The following EVI5 variants were observed in gnomAD, a reference collection of about 807,000 sequenced individuals.
EVI5 encodes ecotropic viral integration site 5, also known as ecotropic viral integration site 5 protein homolog.
A neutral mutation model predicts 112.0 loss-of-function variants in EVI5; 73 were observed. That is an observed-to-expected ratio of 0.65 (90% CI 0.54 to 0.79). The LOEUF (loss-of-function observed/expected upper bound fraction) is 0.79, where lower values mean the gene tolerates loss of function less well. EVI5 is among the 30% of genes least tolerant of loss of function. EVI5 has a pLI of 0.00. For synonymous variants in EVI5, 305 were observed against 319.9 expected, an observed-to-expected ratio of 0.95 and a Z score of 0.50; for missense variants, 900 against 968.8, an observed-to-expected ratio of 0.93 and a Z score of 0.94.
chr1:92,568,669 C>A (rs565701666), intron 18 of EVI5, among the ~76,000 whole-genome samples: 1 of 152,252 alleles, frequency 6.6e-6, no homozygotes, highest in South Asian at 2.1e-4. Context: ...CTTTCGTCTG[C>A]CTCTGCCACC....
chr1:92,775,150 G>A (rs2103065501), intron 1 of EVI5, among the ~76,000 whole-genome samples: 2 of 152,338 alleles, frequency 1.3e-5, no homozygotes, highest in South Asian at 4.1e-4. Context: ...GTCCCTGCCT[G>A]AGCATAGTGG....
At chr1:92,615,883 GA>G (rs761644543) in intron 16 of EVI5, among the ~76,000 whole-genome samples, 6 of 152,172 alleles carry the variant, frequency 3.9e-5, no homozygotes, top group Non-Finnish European at 7.3e-5. Flanking sequence ...TATATAAACA[GA>G]AATCTGGAAA....
chr1:92,702,403 T>C (rs1403668774), intron 4 of EVI5, among the ~76,000 whole-genome samples, 188 bp from the exon 5 acceptor site: 1 of 151,218 alleles, frequency 6.6e-6, no homozygotes, highest in East Asian at 1.9e-4. Flanking sequence ...AAATTTTATT[T>C]TGACAATTTC....
intron 13 of EVI5, among the ~76,000 whole-genome samples, chr1:92,641,136 T>C (rs1312261617): frequency 2.0e-5 from 3 of 152,030 alleles, no homozygotes; most frequent in Non-Finnish European, 4.4e-5. Flanking sequence ...ATGGCACACA[T>C]ATACCTATGT....
intron 2 of EVI5, among the ~76,000 whole-genome samples, chr1:92,715,363 G>T (rs1226609618): frequency 6.6e-6 from 1 of 152,086 alleles, no homozygotes; most frequent in African/African-American, 2.4e-5. Context: ...GAACCCAAAA[G>T]TTCAAATTTT....
chr1:92,642,792 G>C lies in EVI5; in HGVS notation c.1393-6456C>G, dbSNP rs1472621175. 3.1e-5 allele frequency among the ~76,000 whole-genome samples: 4 copies of C among 127,444 alleles called. No homozygotes were observed. In the East Asian group the frequency reaches 9.3e-4, roughly 30 times the overall value. The allele number at this position is 127,444 out of a possible 152,430, so 83.6% of individuals were successfully genotyped here. ...GGGAGGGAAGGTCAGAAGAAATCCT[G>C]TCTAGCCTCCCATTAAGTACTTCCT... On this transcript the variant is annotated intron_variant, in intron 13 of 19. Transcript: ENST00000684568.
rs1379820315 is a variant in EVI5, at chr1:92,636,310, T to A, written c.1419A>T (p.Glu473Asp). 6.2e-7 allele frequency: 1 copy of A among 1,613,852 alleles called. No homozygotes were observed. The highest frequency in any genetic ancestry group is 1.1e-5 in the South Asian group (1 of 91,060). Residue 473 changes from glutamate (E) to aspartate (D), a missense_variant, in exon 14 of 20, where the codon GAA (glutamate) becomes GAT (aspartate). Transcript: ENST00000684568. The stretch of plus-strand genomic sequence containing the variant: ...CCTTCTCTAGCTGTAGCACAAAATC[T>A]TCGTTGTAGTTGGAACTGCATTTAT... Reference protein sequence around the residue: ...QWHKCSSNYNEDFVLQLEKEL... With the variant: ...QWHKCSSNYNDDFVLQLEKEL...
intron 19 of EVI5, among the ~76,000 whole-genome samples, chr1:92,534,854 T>C (rs1019057091): frequency 2.2e-4 from 33 of 152,148 alleles, no homozygotes; most frequent in Admixed American, 7.9e-4. Flanking sequence ...ATTCAGGACA[T>C]AGGCATGGGC....
intron 16 of EVI5, among the ~76,000 whole-genome samples, chr1:92,623,196 A>C (rs1654951640): frequency 6.6e-6 from 1 of 152,224 alleles, no homozygotes; most frequent in Non-Finnish European, 1.5e-5. Context: ...TCCTATTTTA[A>C]TTATACTGAA....
At chr1:92,561,442 T>C (rs939776535) in intron 19 of EVI5, among the ~76,000 whole-genome samples, 1 of 152,180 alleles carries the variant, frequency 6.6e-6, no homozygotes, top group Non-Finnish European at 1.5e-5. Context: ...TGTTGATTAA[T>C]TTTCTTTTCA....
intron 2 of EVI5, chr1:92,714,171 TG>T: frequency 2.0e-6 from 2 of 980,880 alleles, no homozygotes; most frequent in Non-Finnish European, 2.4e-6. Context: ...CACATCTTTC[TG>T]GGGTTGCTAC....
intron 2 of EVI5, among the ~76,000 whole-genome samples, chr1:92,717,779 T>G (rs1338571488): frequency 6.6e-6 from 1 of 151,956 alleles, no homozygotes; most frequent in Non-Finnish European, 1.5e-5. Context: ...GACCCATCAG[T>G]GTGCTGTATT....
chr1:92,642,127 T>TC lies in EVI5; in HGVS notation c.1393-5792dup, dbSNP rs200743192. ...GCCTGGGCAACAGAGCGATACTCCA[T>TC]CCCAAAAAAAAAAAATTGTTGAAAA... is the stretch of plus-strand genomic sequence containing the variant. On this transcript the variant is annotated intron_variant, in intron 13 of 19. Coordinates refer to ENST00000684568, the MANE Select transcript of EVI5 (RefSeq NM_001350197.2). 7.7e-3 allele frequency among the ~76,000 whole-genome samples: 1,151 copies of TC among 149,068 alleles called. 9 individuals are homozygous for TC. Among genetic ancestry groups the TC allele is most frequent in the Non-Finnish European group, 0.013 (851 of 67,152 alleles).
intron 18 of EVI5, among the ~76,000 whole-genome samples, chr1:92,578,012 G>C (rs566515926): frequency 7.2e-5 from 11 of 152,062 alleles, no homozygotes; most frequent in Admixed American, 2.0e-4. Flanking sequence ...AAGGCGCTAT[G>C]GTGCTATATT....
At chr1:92,647,029 AC>A (rs2102008616) in intron 13 of EVI5, 2 of 214,908 alleles carry the variant, frequency 9.3e-6, no homozygotes, top group South Asian at 8.5e-5. Context: ...AGACAGATGA[AC>A]AGTTTTTTAT....
chr1:92,660,901 T>G (rs1010136306), intron 13 of EVI5, among the ~76,000 whole-genome samples: 2 of 152,032 alleles, frequency 1.3e-5, no homozygotes, highest in African/African-American at 4.8e-5. Flanking sequence ...CACATCAAGC[T>G]ACATACCTAC....
chr1:92,662,510 T>G (rs1165994850), intron 13 of EVI5, among the ~76,000 whole-genome samples: 15 of 152,074 alleles, frequency 9.9e-5, no homozygotes, highest in Admixed American at 9.8e-4. Flanking sequence ...CTAACAAAAC[T>G]ATGTAGACAG....
At chr1:92,541,462 A>C (rs980612858) in intron 19 of EVI5, among the ~76,000 whole-genome samples, 3 of 152,194 alleles carry the variant, frequency 2.0e-5, no homozygotes, top group Admixed American at 2.0e-4. Context: ...AAAATAAATA[A>C]TAAATGTTAG....
intron 19 of EVI5, among the ~76,000 whole-genome samples, chr1:92,543,411 G>A (rs752957077): frequency 4.6e-5 from 7 of 152,172 alleles, no homozygotes; most frequent in Non-Finnish European, 1.0e-4. Flanking sequence ...CCTTGCACTG[G>A]ATTAGGCTTT....
Sources: allele counts gnomAD v4.1 joint callset (sites outside exome capture counted in the v4.1 genomes callset), GRCh38; gene constraint gnomAD v4.1.1; transcripts MANE v1.5; gene names NCBI Gene and HGNC (gene_info 2026-07-23, HGNC 2026-07-21).